PTCD2: variants seen among roughly 807,000 people sequenced by gnomAD.
PTCD2 encodes the protein pentatricopeptide repeat-containing protein 2, mitochondrial.
In PTCD2, 31 loss-of-function variants were observed where a neutral mutation model predicts 42.6. That is an observed-to-expected ratio of 0.73 (90% CI 0.55 to 0.98). The LOEUF is 0.98. Among genes scored for constraint, PTCD2 ranks in the 50% least tolerant of loss-of-function variants. The pLI is 0.00. For missense variants in PTCD2, 476 were observed against 454.8 expected, an observed-to-expected ratio of 1.05 and a Z score of -0.42; for synonymous variants, 183 against 170.9, an observed-to-expected ratio of 1.07 and a Z score of -0.55.
intron 4 of PTCD2, among the ~76,000 whole-genome samples, chr5:72,333,377 A>ATTT (rs966283387): frequency 2.6e-5 from 4 of 152,012 alleles, no homozygotes; most frequent in Admixed American, 2.6e-4. Context: ...TGAAATTAAT[A>ATTT]TTTTTTTTCA....
Position 72,343,071 on chromosome 5 carries a change from GAAATGTATTATAAT to G in PTCD2, c.828+53_828+66del, listed in dbSNP as rs769056279. On this transcript the variant is annotated intron_variant, in intron 8 of 9. Coordinates refer to ENST00000380639, the MANE Select transcript of PTCD2 (RefSeq NM_024754.5). ...TTCTTTATGGTTTAAGGTAAGCCTT[GAAATGTATTATAAT>G]AAATGTATTATAATAAAATTATACC... 3.3e-5 allele frequency: 39 copies of G among 1,183,016 alleles called. 1 individual carries two copies. Among genetic ancestry groups the G allele is most frequent in the South Asian group, 2.3e-4 (15 of 64,140 alleles). The allele number at this position is 1,183,016 out of a possible 1,614,324, so 73.3% of individuals were successfully genotyped here.
chr5:72,353,284 T>C (rs1408905474), intron 9 of PTCD2, among the ~76,000 whole-genome samples: 1 of 152,184 alleles, frequency 6.6e-6, no homozygotes, highest in Non-Finnish European at 1.5e-5. Flanking sequence ...AGTCCAGAAG[T>C]TGACTCACTC....
chr5:72,335,163 A>G (rs769204373), intron 5 of PTCD2, 67 bp downstream of exon 5: 67 of 870,850 alleles, frequency 7.7e-5, no homozygotes, highest in Non-Finnish European at 1.1e-4. Context: ...ACTAGGGGGA[A>G]AAATGAGTCA....
intron 8 of PTCD2, 22 bp from the exon 9 acceptor site, chr5:72,352,619 C>A (rs1397503928): frequency 8.0e-7 from 1 of 1,251,242 alleles, no homozygotes; most frequent in Non-Finnish European, 1.2e-6. Flanking sequence ...CTTGGTTTTG[C>A]TTGTGTCTTC....
rs1753119852 is a variant in PTCD2 at position 72,362,642 on chromosome 5, T to C, written c.*4215T>C. The C allele has an allele frequency of 6.6e-6, 1 of 152,190 alleles. No individual in the cohort carries two copies. The highest frequency in any genetic ancestry group is 1.5e-5 in the Non-Finnish European group (1 of 68,036). 9.4% of individuals were successfully genotyped at this position (152,190 alleles called of 1,614,324 possible). On this transcript the variant is annotated 3_prime_UTR_variant, in exon 10 of 10. Coordinates refer to ENST00000380639, the MANE Select transcript of PTCD2 (RefSeq NM_024754.5). ...CCTATTATTCAAGGTCTAACTTGTG[T>C]CACTTTTTCAATGAGGCATTTGCAA...
chr5:72,342,890 C>T, intron 7 of PTCD2, 72 bp from the exon 8 acceptor site: 6 of 897,948 alleles, frequency 6.7e-6, no homozygotes, highest in Non-Finnish European at 1.7e-6. Flanking sequence ...ATATACTGCC[C>T]TCTCTAAGTG....
intron 8 of PTCD2, among the ~76,000 whole-genome samples, chr5:72,347,425 C>T (rs1752411464): frequency 6.6e-6 from 1 of 152,136 alleles, no homozygotes; most frequent in Non-Finnish European, 1.5e-5. Flanking sequence ...GTGGCTCATG[C>T]CTGTAATCTC....
At chr5:72,336,232 T>G (rs1260750405) in intron 6 of PTCD2, among the ~76,000 whole-genome samples, 3 of 152,186 alleles carry the variant, frequency 2.0e-5, no homozygotes, top group Non-Finnish European at 4.4e-5. Context: ...CTTAGCTTCC[T>G]TCATTGGTGA....
intron 9 of PTCD2, among the ~76,000 whole-genome samples, chr5:72,353,066 C>T (rs1277485535): frequency 6.6e-6 from 1 of 152,188 alleles, no homozygotes; most frequent in African/African-American, 2.4e-5. Context: ...CTCAAGCCTT[C>T]AATACCTTCT....
At chr5:72,345,588 A>G (rs1197017577) in intron 8 of PTCD2, among the ~76,000 whole-genome samples, 2 of 152,252 alleles carry the variant, frequency 1.3e-5, no homozygotes, top group Non-Finnish European at 2.9e-5. Flanking sequence ...AGACAGGCAT[A>G]AGAAATTATA....
chr5:72,342,710 G>A (rs1416187350), intron 7 of PTCD2, among the ~76,000 whole-genome samples: 1 of 152,208 alleles, frequency 6.6e-6, no homozygotes, highest in Admixed American at 6.5e-5. Context: ...TCCAATAGGA[G>A]AAGGGGAAAT....
rs1255554392 is a variant in PTCD2, at chr5:72,360,093, T to C, written c.*1666T>C. The C allele has an allele frequency of 1.3e-5, 2 of 152,146 alleles. No homozygotes were observed. Among genetic ancestry groups the C allele is most frequent in the South Asian group, 2.1e-4 (1 of 4,826 alleles). The allele number at this position is 152,146 out of a possible 1,614,324, so 9.4% of individuals were successfully genotyped here. ...GAGTTCTTCCTTCTGCTCAAAAATA[T>C]TGAATTTCTTGTCCTTGTGCTCTGT... On this transcript the variant is annotated 3_prime_UTR_variant, in exon 10 of 10. Coordinates refer to ENST00000380639, the MANE Select transcript of PTCD2 (RefSeq NM_024754.5).
chr5:72,352,718 A>G lies in PTCD2; in HGVS notation c.906A>G (p.Ser302=). 1 of 1,600,802 alleles carries G rather than the reference A, an allele frequency of 6.2e-7. No homozygotes were observed. The part of the protein sequence containing the change: ...TLKNAAEGNL[S]KFVKRHVFSE... ...AAAATGCTGCAGAAGGAAATTTATCAAAATTTGTGAAAAGACATGTGTTCT... is the reference window on the plus strand; with the variant it reads ...AAAATGCTGCAGAAGGAAATTTATCGAAATTTGTGAAAAGACATGTGTTCT... Residue 302 remains serine (S), a synonymous_variant, in exon 9 of 10, where the codon TCA becomes TCG. Transcript: ENST00000380639.
intron 8 of PTCD2, among the ~76,000 whole-genome samples, chr5:72,352,322 A>G (rs1752662835): frequency 6.6e-6 from 1 of 151,964 alleles, no homozygotes; most frequent in Non-Finnish European, 1.5e-5. Context: ...TAATTTTTGT[A>G]TTTTTAGTAG....
chr5:72,352,715 A>T lies in PTCD2; in HGVS notation c.903A>T (p.Leu301Phe). ...TAAAAAATGCTGCAGAAGGAAATTT[A>T]TCAAAATTTGTGAAAAGACATGTGT... The part of the protein sequence containing the change: ...KTLKNAAEGN[L>F]SKFVKRHVFS... The change falls in exon 9 of 10, where the codon TTA becomes TTT. Residue 301 changes from leucine to phenylalanine, a missense_variant. Physicochemically the swap from Leu to Phe is conservative, Grantham distance 22. Coordinates refer to ENST00000380639, the MANE Select transcript of PTCD2 (RefSeq NM_024754.5). 1.9e-6 allele frequency: 3 copies of T among 1,603,782 alleles called. No individual in the cohort carries two copies. The highest frequency in any genetic ancestry group is 2.6e-6 in the Non-Finnish European group (3 of 1,170,814).
chr5:72,341,984 G>T (rs1752088325), intron 7 of PTCD2, among the ~76,000 whole-genome samples: 1 of 152,062 alleles, frequency 6.6e-6, no homozygotes, highest in South Asian at 2.1e-4. Flanking sequence ...GGCTGAGCTT[G>T]CAGTGAGCTG....
In PTCD2 at chr5:72,325,063, C is replaced by T. The variant is rs187123883; in HGVS notation, c.221-1549C>T. On this transcript the variant is annotated intron_variant, in intron 2 of 9. Transcript: ENST00000380639. ...TCAGCCTCCCTAGTAGCTGGGATTA[C>T]AGGCGTGCACCACCACACCTGGCTA... Among the ~76,000 whole-genome samples, 107 of 152,162 alleles carry T rather than the reference C, an allele frequency of 7.0e-4. 1 individual carries two copies. The highest frequency in any genetic ancestry group is 1.4e-3 in the Non-Finnish European group (94 of 68,002).
intron 2 of PTCD2, among the ~76,000 whole-genome samples, chr5:72,323,407 T>C (rs1194312747): frequency 1.3e-5 from 2 of 152,184 alleles, no homozygotes; most frequent in Non-Finnish European, 2.9e-5. Context: ...ATTCATTCTC[T>C]CCCTCCTGCA....
At chr5:72,338,309 A>G (rs1314972322) in intron 6 of PTCD2, among the ~76,000 whole-genome samples, 1 of 152,220 alleles carries the variant, frequency 6.6e-6, no homozygotes, top group East Asian at 1.9e-4. Flanking sequence ...ATACTCATAA[A>G]TTATGGGGTC....
Sources: gnomAD v4.1 joint callset for allele counts (sites outside exome capture counted in the v4.1 genomes callset) on GRCh38, gnomAD v4.1.1 for gene constraint, MANE v1.5 for transcripts, NCBI Gene and HGNC (gene_info 2026-07-23, HGNC 2026-07-21) for gene names.